The following CNTNAP2 variants were observed in gnomAD, a reference collection of about 807,000 sequenced individuals.
CNTNAP2 encodes contactin associated protein 2, also known as contactin-associated protein-like 2.
CNTNAP2 carries 98 observed loss-of-function variants against 155.2 expected under a neutral mutation model. The ratio of observed to expected loss-of-function variants is 0.63; its 90% CI spans 0.54 to 0.75. CNTNAP2 has a LOEUF of 0.75. Among genes scored for constraint, CNTNAP2 ranks in the 30% least tolerant of loss-of-function variants. CNTNAP2 has a pLI of 0.00. For synonymous variants in CNTNAP2, 651 were observed against 631.2 expected (o/e 1.03, Z -0.47); for missense variants, 1,727 against 1,688.1 (o/e 1.02, Z -0.40).
At position 147,234,232 on chromosome 7, in the gene CNTNAP2, A is replaced by G. The variant is rs752519080; in HGVS notation, c.1349-65909A>G. Among the ~76,000 whole-genome samples the G allele has an allele frequency of 2.0e-5, 3 of 151,994 alleles. No homozygotes were observed. The East Asian group carries it at 5.8e-4, about 29-fold the overall frequency. On this transcript the variant is annotated intron_variant, in intron 8 of 23. Coordinates refer to ENST00000361727, the MANE Select transcript of CNTNAP2 (RefSeq NM_014141.6). ...TACAAGCAAGAACATTATTCTACATATCCAGATTACATCCATCAAAATCAG... is the reference window on the plus strand; with the variant it reads ...TACAAGCAAGAACATTATTCTACATGTCCAGATTACATCCATCAAAATCAG...
Position 147,939,709 on chromosome 7 carries a change from C to G in CNTNAP2, c.2255+35988C>G, listed in dbSNP as rs1475855013. On this transcript the variant is annotated intron_variant, in intron 14 of 23. Coordinates refer to ENST00000361727, the MANE Select transcript of CNTNAP2 (RefSeq NM_014141.6). Reference sequence around the variant, plus strand: ...AAAAGGAGGCCTTTAAATGCATTGTCAAGAATGACGAAAGGAGCTAAGTAT... The same window carrying G: ...AAAAGGAGGCCTTTAAATGCATTGTGAAGAATGACGAAAGGAGCTAAGTAT... Among the ~76,000 whole-genome samples, 3 of 152,062 alleles carry G rather than the reference C, an allele frequency of 2.0e-5. No homozygotes were observed. In the South Asian group the frequency reaches 6.2e-4, roughly 31 times the overall value.
intron 3 of CNTNAP2, among the ~76,000 whole-genome samples, chr7:147,014,522 G>C (rs1258667486): frequency 6.6e-6 from 1 of 152,062 alleles, no homozygotes; most frequent in East Asian, 1.9e-4. Context: ...TCAAAGTAGA[G>C]AACATAGCAT....
rs1797413979 is a variant in CNTNAP2, at chr7:148,302,594, T to A, written c.3475+35468T>A. On this transcript the variant is annotated intron_variant, in intron 21 of 23. Transcript: ENST00000361727. ...GGGGACCTGGTGGGAGATGGTTGGA[T>A]CATGAGGGTGGTTTGCCCCGCGCTG... Among the ~76,000 whole-genome samples the A allele has an allele frequency of 2.0e-5, 3 of 152,160 alleles. No homozygotes were observed. In the South Asian group the frequency reaches 6.2e-4, roughly 32 times the overall value.
chr7:146,686,227 T>TC (rs1800596430), intron 1 of CNTNAP2, among the ~76,000 whole-genome samples: 1 of 151,926 alleles, frequency 6.6e-6, no homozygotes, highest in Non-Finnish European at 1.5e-5. Flanking sequence ...ACCCAGGAGG[T>TC]GAAGGCTGTT....
intron 1 of CNTNAP2, among the ~76,000 whole-genome samples, chr7:146,712,739 A>T (rs1020264353): frequency 1.3e-5 from 2 of 151,942 alleles, no homozygotes; most frequent in Non-Finnish European, 1.5e-5. Context: ...GGTTATACAC[A>T]ACATGCTTCA....
chr7:147,916,710 C>A (rs1177344787), intron 14 of CNTNAP2, among the ~76,000 whole-genome samples: 1 of 146,758 alleles, frequency 6.8e-6, no homozygotes, highest in Non-Finnish European at 1.5e-5. Context: ...CCCAAAAAAT[C>A]AATCATGGAA....
intron 1 of CNTNAP2, among the ~76,000 whole-genome samples, chr7:146,546,843 G>T (rs976406257): frequency 1.3e-5 from 2 of 151,846 alleles, no homozygotes; most frequent in African/African-American, 4.8e-5. Flanking sequence ...CAGCGGCACT[G>T]GGGTAACTGC....
At chr7:146,847,962 T>G (rs1794791129) in intron 3 of CNTNAP2, among the ~76,000 whole-genome samples, 1 of 152,208 alleles carries the variant, frequency 6.6e-6, no homozygotes, top group Non-Finnish European at 1.5e-5. Flanking sequence ...ATAACCCATT[T>G]TTGTCTACAG....
At chr7:146,610,705 G>A (rs1263791925) in intron 1 of CNTNAP2, among the ~76,000 whole-genome samples, 1 of 152,016 alleles carries the variant, frequency 6.6e-6, no homozygotes, top group Non-Finnish European at 1.5e-5. Context: ...AATGGTTCCG[G>A]TTGTTTTAAA....
intron 10 of CNTNAP2, among the ~76,000 whole-genome samples, chr7:147,457,230 T>C (rs1241490260): frequency 1.3e-5 from 2 of 152,134 alleles, no homozygotes; most frequent in Admixed American, 6.6e-5. Flanking sequence ...ATGTTGGAAG[T>C]TGTAAAGGAG....
intron 4 of CNTNAP2, among the ~76,000 whole-genome samples, chr7:147,087,671 T>A (rs1563072251): frequency 1.3e-5 from 2 of 152,152 alleles, no homozygotes; most frequent in African/African-American, 2.4e-5. Flanking sequence ...TTGCTTCTAC[T>A]TTATTTATAA....
At chr7:146,224,475 C>T (rs923667593) in intron 1 of CNTNAP2, among the ~76,000 whole-genome samples, 7 of 149,352 alleles carry the variant, frequency 4.7e-5, no homozygotes, top group African/African-American at 1.7e-4. Flanking sequence ...GGGCCGGGCG[C>T]GATGGCTTAC....
intron 15 of CNTNAP2, among the ~76,000 whole-genome samples, chr7:148,026,956 T>TTTG (rs148756537): frequency 8.3e-4 from 127 of 152,220 alleles, no homozygotes; most frequent in Admixed American, 1.4e-3. Flanking sequence ...GTCACTGTTT[T>TTTG]TTGTTGTTGT....
At chr7:148,062,248 G>T (rs780651836) in intron 15 of CNTNAP2, among the ~76,000 whole-genome samples, 6 of 151,850 alleles carry the variant, frequency 4.0e-5, no homozygotes, top group Non-Finnish European at 8.8e-5. Context: ...AGGAAAAACC[G>T]GGTAACTATA....
At chr7:147,261,578 A>T (rs1340469682) in intron 8 of CNTNAP2, among the ~76,000 whole-genome samples, 2 of 151,926 alleles carry the variant, frequency 1.3e-5, no homozygotes, top group Non-Finnish European at 2.9e-5. Context: ...ACCTACCATG[A>T]AGAACAACTC....
chr7:147,575,463 G>A (rs1421583757), intron 12 of CNTNAP2, among the ~76,000 whole-genome samples: 1 of 122,242 alleles, frequency 8.2e-6, no homozygotes, highest in Non-Finnish European at 1.7e-5. Flanking sequence ...CCTAGCTTTA[G>A]GGGTGTATAT....
intron 13 of CNTNAP2, among the ~76,000 whole-genome samples, chr7:147,750,893 G>A (rs1437055376): frequency 1.2e-4 from 18 of 151,848 alleles, no homozygotes; most frequent in Admixed American, 1.2e-3. Flanking sequence ...AAAAACATTT[G>A]GCTGGGCATG....
chr7:148,249,932 G>A (rs149541597), intron 20 of CNTNAP2, among the ~76,000 whole-genome samples: 47 of 152,322 alleles, frequency 3.1e-4, no homozygotes, highest in Non-Finnish European at 4.9e-4. Flanking sequence ...TTGCAGGAGC[G>A]TCTCTGACAT....
At chr7:147,372,757 A>C (rs947381841) in intron 9 of CNTNAP2, among the ~76,000 whole-genome samples, 27 of 152,096 alleles carry the variant, frequency 1.8e-4, no homozygotes, top group African/African-American at 6.0e-4. Context: ...ATCAAGTGAG[A>C]GAGCCTGAAC....
Sources: allele counts gnomAD v4.1 joint callset (sites outside exome capture counted in the v4.1 genomes callset), GRCh38; gene constraint gnomAD v4.1.1; transcripts MANE v1.5; gene names NCBI Gene and HGNC (gene_info 2026-07-23, HGNC 2026-07-21).